The following PAX5 variants were observed in gnomAD, a reference collection of about 807,000 sequenced individuals.
The protein encoded by PAX5 is paired box protein Pax-5.
PAX5 carries 9 observed loss-of-function variants against 43.7 expected under a neutral mutation model. The ratio of observed to expected loss-of-function variants is 0.21; its 90% confidence interval spans 0.12 to 0.36. The LOEUF is 0.36. Ranked by LOEUF, PAX5 falls within the 10% of genes least tolerant of loss-of-function variation. PAX5 has a pLI of 1.00. For synonymous variants in PAX5, 228 were observed against 214.3 expected, an observed-to-expected ratio of 1.06 and a Z score of -0.56; for missense variants, 383 against 532.7, an observed-to-expected ratio of 0.72 and a Z score of 2.77.
intron 6 of PAX5, among the ~76,000 whole-genome samples, chr9:36,944,816 G>T (rs543759538): frequency 6.6e-6 from 1 of 152,196 alleles, no homozygotes; most frequent in Non-Finnish European, 1.5e-5. Flanking sequence ...ATCCGGTAAT[G>T]ATTTTAAAAT....
intron 7 of PAX5, among the ~76,000 whole-genome samples, chr9:36,911,116 A>G (rs902735062): frequency 6.6e-6 from 1 of 151,938 alleles, no homozygotes; most frequent in Non-Finnish European, 1.5e-5. Flanking sequence ...CTTCTCTCCC[A>G]CTTATTTTCT....
chr9:36,996,122 G>T (rs1837375253), intron 5 of PAX5, among the ~76,000 whole-genome samples: 1 of 152,246 alleles, frequency 6.6e-6, no homozygotes. Context: ...CAGGAAGGTG[G>T]TGGTGGGCGA....
chr9:36,927,372 G>T (rs1432457417), intron 6 of PAX5, among the ~76,000 whole-genome samples: 1 of 152,132 alleles, frequency 6.6e-6, no homozygotes, highest in East Asian at 1.9e-4. Context: ...CCACAAAAAG[G>T]GTGGTCAACA....
At chr9:36,846,372 T>C (rs1427762298) in intron 9 of PAX5, among the ~76,000 whole-genome samples, 1 of 152,228 alleles carries the variant, frequency 6.6e-6, no homozygotes, top group Non-Finnish European at 1.5e-5. Flanking sequence ...GCTCTGGTGA[T>C]GTCCATGCAG....
intron 3 of PAX5, among the ~76,000 whole-genome samples, chr9:37,014,747 A>G (rs1839247750): frequency 6.6e-6 from 1 of 152,176 alleles, no homozygotes; most frequent in Non-Finnish European, 1.5e-5. Flanking sequence ...CTCTGGGCTC[A>G]GAAGAAACTC....
intron 7 of PAX5, among the ~76,000 whole-genome samples, chr9:36,896,465 C>T (rs1449591034): frequency 6.6e-6 from 1 of 152,054 alleles, no homozygotes; most frequent in Non-Finnish European, 1.5e-5. Flanking sequence ...AAGCCCATCC[C>T]ACAGAGGCAC....
At chr9:36,972,030 T>A (rs1179942717) in intron 5 of PAX5, among the ~76,000 whole-genome samples, 1 of 152,246 alleles carries the variant, frequency 6.6e-6, no homozygotes, top group Non-Finnish European at 1.5e-5. Context: ...ATGCGCTTTA[T>A]GTCTGCAGAT....
At chr9:36,899,571 T>G (rs1448251170) in intron 7 of PAX5, among the ~76,000 whole-genome samples, 1 of 152,064 alleles carries the variant, frequency 6.6e-6, no homozygotes, top group East Asian at 1.9e-4. Context: ...CGGTGTTACT[T>G]TCCAACCTCT....
Position 36,838,986 on chromosome 9 carries a change from C to T in PAX5, c.*1574G>A, listed in dbSNP as rs181536692. On this transcript the variant is annotated 3_prime_UTR_variant, in exon 10 of 10. Transcript: ENST00000358127. The stretch of plus-strand genomic sequence containing the variant: ...CATACAGATATGGGGGACATTGTCA[C>T]CTAAGAAGGCCAAGCCCCCTCTCAT... The T allele has an allele frequency of 1.5e-4, 35 of 233,334 alleles. No individual in the cohort carries two copies. The highest frequency in any genetic ancestry group is 2.5e-4 in the Non-Finnish European group (30 of 118,086). The allele number at this position is 233,334 out of a possible 1,614,324, so 14.5% of individuals were successfully genotyped here.
rs1197388736 is a variant in PAX5 at position 36,834,356 on chromosome 9, AT to A, written c.*6203del. ...TCGAAGACAGCAGGCAAGAATTGGCATGGGGAGACTCAGTGCTGTTTCTGAG... is the reference window on the plus strand; with the variant it reads ...TCGAAGACAGCAGGCAAGAATTGGCAGGGGAGACTCAGTGCTGTTTCTGAG... On this transcript the variant is annotated 3_prime_UTR_variant, in exon 10 of 10. Coordinates refer to ENST00000358127, the MANE Select transcript of PAX5 (RefSeq NM_016734.3). 4.3e-6 allele frequency: 1 copy of A among 232,746 alleles called. No individual in the cohort carries two copies. The highest frequency in any genetic ancestry group is 2.2e-5 in the African/African-American group (1 of 45,190). The allele number at this position is 232,746 out of a possible 1,614,324, so 14.4% of individuals were successfully genotyped here.
At chr9:36,917,017 A>C (rs1829779005) in intron 7 of PAX5, among the ~76,000 whole-genome samples, 1 of 152,134 alleles carries the variant, frequency 6.6e-6, no homozygotes, top group East Asian at 1.9e-4. Flanking sequence ...ACTATTGTTT[A>C]CTTATAAGAA....
chr9:36,869,998 G>A lies in PAX5; in HGVS notation c.1012+12006C>T, dbSNP rs1262256712. ...TGGATGGATAAATGGATGGATGGAT[G>A]GATGGATAAATGGATGGATGGATGG... On this transcript the variant is annotated intron_variant, in intron 8 of 9. Coordinates refer to ENST00000358127, the MANE Select transcript of PAX5 (RefSeq NM_016734.3). Among the ~76,000 whole-genome samples, 12 of 124,920 alleles carry A rather than the reference G, an allele frequency of 9.6e-5. 1 individual carries two copies. In the East Asian group the frequency reaches 1.2e-3, roughly 13 times the overall value. The allele number at this position is 124,920 out of a possible 152,430, so 82.0% of individuals were successfully genotyped here.
intron 5 of PAX5, among the ~76,000 whole-genome samples, chr9:36,993,755 AGGGGACTG>A (rs112415780): frequency 0.16 from 24,792 of 152,140 alleles, 2,111 homozygotes; most frequent in South Asian, 0.25. Flanking sequence ...CCGCCTTGGC[AGGGGACTG>A]CCCACAGCAG....
chr9:36,973,130 G>A (rs867579316), intron 5 of PAX5, among the ~76,000 whole-genome samples: 3 of 81,940 alleles, frequency 3.7e-5, no homozygotes, highest in African/African-American at 1.9e-4. Context: ...GAAAGGAAAG[G>A]AAAGAAAAGG....
At chr9:36,934,792 G>C (rs1680356155) in intron 6 of PAX5, among the ~76,000 whole-genome samples, 1 of 152,158 alleles carries the variant, frequency 6.6e-6, no homozygotes. Context: ...TCATCCCCCA[G>C]CTAGAGTGTG....
chr9:36,953,323 T>C (rs1219137665), intron 6 of PAX5, among the ~76,000 whole-genome samples: 3 of 152,208 alleles, frequency 2.0e-5, no homozygotes, highest in Non-Finnish European at 4.4e-5. Context: ...CTAATGTAGA[T>C]ATTTTGGTGT....
intron 6 of PAX5, among the ~76,000 whole-genome samples, chr9:36,933,143 CAAAA>C (rs35734654): frequency 3.1e-5 from 3 of 96,460 alleles, no homozygotes; most frequent in Admixed American, 1.1e-4. Context: ...GACCCTGTCT[CAAAA>C]AAAAAAAAAA....
chr9:37,002,241 G>A (rs1588193371), intron 5 of PAX5, among the ~76,000 whole-genome samples: 1 of 152,110 alleles, frequency 6.6e-6, no homozygotes, highest in East Asian at 1.9e-4. Flanking sequence ...CCCCTCTCAC[G>A]GTTTGGCCAG....
chr9:37,002,915 G>T, intron 4 of PAX5, 139 bp from the exon 5 acceptor site: 1 of 1,067,430 alleles, frequency 9.4e-7, no homozygotes, highest in Non-Finnish European at 1.3e-6. Flanking sequence ...CTCGCTCTGC[G>T]GAGGCGGCCA....
Sources: allele counts gnomAD v4.1 joint callset (sites outside exome capture counted in the v4.1 genomes callset), GRCh38; gene constraint gnomAD v4.1.1; transcripts MANE v1.5; gene names NCBI Gene and HGNC (gene_info 2026-07-23, HGNC 2026-07-21).